The following RGS8 variants were observed in gnomAD, a reference collection of about 807,000 sequenced individuals.
The protein encoded by RGS8 is regulator of G-protein signaling 8.
In RGS8, 8 loss-of-function variants were observed where a neutral mutation model predicts 21.7. The observed-to-expected ratio is 0.37, with a 90% CI of 0.22 to 0.66. The LOEUF is 0.66. RGS8 is among the 30% of genes least tolerant of loss of function. RGS8 has a pLI of 0.59. For synonymous variants in RGS8, 80 were observed against 83.6 expected, an observed-to-expected ratio of 0.96 and a Z score of 0.24; for missense variants, 157 against 217.9, an observed-to-expected ratio of 0.72 and a Z score of 1.76.
chr1:182,736,842 C>A, the RGS8 span, among the ~76,000 whole-genome samples: 1 of 152,220 alleles, frequency 6.6e-6, no homozygotes, highest in Non-Finnish European at 1.5e-5. Context: ...CTTGGATGAA[C>A]CAGCTGCCAT....
chr1:182,662,478 T>C (rs1237902511), intron 5 of RGS8, among the ~76,000 whole-genome samples: 2 of 152,180 alleles, frequency 1.3e-5, no homozygotes, highest in Admixed American at 6.5e-5. Flanking sequence ...CCTATCCCGA[T>C]CATCCAGATA....
the RGS8 span, among the ~76,000 whole-genome samples, chr1:182,716,778 C>T: frequency 2.0e-5 from 3 of 152,114 alleles, no homozygotes; most frequent in Non-Finnish European, 4.4e-5. Flanking sequence ...GGCCCTGCCA[C>T]TTTTCTGTGC....
rs183147214 is a variant in RGS8 at position 182,681,093 on chromosome 1, A to G, written n.221+3263T>C. The stretch of plus-strand genomic sequence containing the variant: ...GGGCTGTAAATCACTTAGGCTTATG[A>G]AAACATTGAGTCACAGGGAGAACAT... On this transcript the variant is annotated intron_variant and non_coding_transcript_variant, in intron 1 of 4. Coordinates refer to the RGS8 transcript ENST00000515211. Among the ~76,000 whole-genome samples, 44 of 152,352 alleles carry G rather than the reference A, an allele frequency of 2.9e-4. 1 individual carries two copies. The highest frequency in any genetic ancestry group is 1.1e-3 in the African/African-American group (44 of 41,576).
the RGS8 span, among the ~76,000 whole-genome samples, chr1:182,698,641 C>T: frequency 3.3e-5 from 5 of 152,150 alleles, no homozygotes; most frequent in Non-Finnish European, 7.4e-5. Flanking sequence ...AGCCACATAG[C>T]CCTTTCCCCA....
chr1:182,733,846 A>G, the RGS8 span: 1 of 152,154 alleles, frequency 6.6e-6, no homozygotes, highest in Non-Finnish European at 1.5e-5. Context: ...TGGCATAGTC[A>G]AAAGAAAACA....
chr1:182,748,756 C>A, the RGS8 span, among the ~76,000 whole-genome samples: 1 of 152,096 alleles, frequency 6.6e-6, no homozygotes, highest in East Asian at 1.9e-4. Flanking sequence ...CCACATCCTC[C>A]CCAGCACTTG....
intron 4 of RGS8, among the ~76,000 whole-genome samples, chr1:182,666,246 A>G (rs1361955829): frequency 6.6e-6 from 1 of 152,232 alleles, no homozygotes; most frequent in East Asian, 1.9e-4. Flanking sequence ...ACTGAAATTC[A>G]GTGAATTTTG....
chr1:182,728,691 A>G, the RGS8 span, among the ~76,000 whole-genome samples: 1 of 152,224 alleles, frequency 6.6e-6, no homozygotes, highest in Non-Finnish European at 1.5e-5. Flanking sequence ...ACTAACAATA[A>G]TTGCATTAAG....
the RGS8 span, among the ~76,000 whole-genome samples, chr1:182,690,025 G>A: frequency 1.3e-5 from 2 of 152,052 alleles, no homozygotes; most frequent in Non-Finnish European, 2.9e-5. Context: ...GGGCTCTAGG[G>A]TCAGAGAGGT....
chr1:182,706,755 C>T, the RGS8 span, among the ~76,000 whole-genome samples: 1 of 151,626 alleles, frequency 6.6e-6, no homozygotes, highest in Non-Finnish European at 1.5e-5. Flanking sequence ...CATGAGCCAC[C>T]ATGCCTGGCC....
chr1:182,688,941 C>A (rs1327967749), upstream of RGS8, among the ~76,000 whole-genome samples: 2 of 152,170 alleles, frequency 1.3e-5, no homozygotes, highest in Non-Finnish European at 2.9e-5. Flanking sequence ...CTGATTTTAG[C>A]CCAATGAGAC....
At chr1:182,746,029 AGAG>A in the RGS8 span, among the ~76,000 whole-genome samples, 2 of 152,208 alleles carry the variant, frequency 1.3e-5, no homozygotes, top group Non-Finnish European at 2.9e-5. Flanking sequence ...AGGGTAAAGA[AGAG>A]GATACCTGTT....
At chr1:182,689,787 C>G in the RGS8 span, among the ~76,000 whole-genome samples, 1 of 152,196 alleles carries the variant, frequency 6.6e-6, no homozygotes, top group Non-Finnish European at 1.5e-5. Context: ...AAGTTCAACT[C>G]TCCCTAGACT....
the RGS8 span, among the ~76,000 whole-genome samples, chr1:182,696,532 A>C: frequency 1.3e-5 from 2 of 151,878 alleles, no homozygotes; most frequent in African/African-American, 4.8e-5. Context: ...TAATTTTTGT[A>C]TTTTTAGTAG....
the RGS8 span, among the ~76,000 whole-genome samples, chr1:182,734,114 T>C: frequency 6.6e-6 from 1 of 151,636 alleles, no homozygotes; most frequent in African/African-American, 2.4e-5. Flanking sequence ...AGAGACAGGG[T>C]TTCACCATGT....
chr1:182,695,502 T>C, the RGS8 span, among the ~76,000 whole-genome samples: 1 of 152,080 alleles, frequency 6.6e-6, no homozygotes, highest in Non-Finnish European at 1.5e-5. Context: ...TAAAAAAAAA[T>C]TAAGAGGTAG....
chr1:182,741,873 C>CG, the RGS8 span, among the ~76,000 whole-genome samples: 11 of 129,984 alleles, frequency 8.5e-5, no homozygotes, highest in Non-Finnish European at 1.3e-4. Flanking sequence ...GCTGGCCGGG[C>CG]GGGGGGCTGA....
the RGS8 span, among the ~76,000 whole-genome samples, chr1:182,722,884 A>G: frequency 6.6e-6 from 1 of 152,118 alleles, no homozygotes; most frequent in African/African-American, 2.4e-5. Flanking sequence ...AGGCTGAGGC[A>G]GGAGAATGAT....
intron 5 of RGS8, among the ~76,000 whole-genome samples, chr1:182,655,871 T>C (rs987572031): frequency 5.9e-5 from 9 of 152,180 alleles, no homozygotes; most frequent in African/African-American, 2.2e-4. Flanking sequence ...CTGCCCAGTT[T>C]ATATACATTA....
Sources: allele counts gnomAD v4.1 joint callset (sites outside exome capture counted in the v4.1 genomes callset), GRCh38; gene constraint gnomAD v4.1.1; transcripts MANE v1.5; gene names NCBI Gene and HGNC (gene_info 2026-07-23, HGNC 2026-07-21).